CCDC148: variants seen among roughly 807,000 people sequenced by gnomAD.
CCDC148 encodes coiled-coil domain-containing protein 148.
In CCDC148, 89 loss-of-function variants were observed where a neutral mutation model predicts 85.7. That is an observed-to-expected ratio of 1.04 (90% CI 0.87 to 1.24). The LOEUF (loss-of-function observed/expected upper bound fraction) is 1.24. CCDC148 is among the 50% of genes most tolerant of loss of function. The pLI is 0.00. For synonymous variants in CCDC148, 230 were observed against 213.9 expected (o/e 1.08, Z -0.66); for missense variants, 692 against 671.7 (o/e 1.03, Z -0.33).
Position 158,176,380 on chromosome 2 carries a change from T to A in CCDC148, c.1629+141A>T, listed in dbSNP as rs943581389. On this transcript the variant is annotated intron_variant, in intron 13 of 13. Transcript: ENST00000283233. ...AGAATTATGTAGTAATTATGTACTATCATTTAGAAGTAAAAATTATGCTAA... is the reference window on the plus strand; with the variant it reads ...AGAATTATGTAGTAATTATGTACTAACATTTAGAAGTAAAAATTATGCTAA... The A allele has an allele frequency of 4.1e-6, 3 of 734,566 alleles. No individual in the cohort carries two copies. The African/African-American group carries it at 5.4e-5, about 13-fold the overall frequency. The allele number at this position is 734,566 out of a possible 1,614,324, so 45.5% of individuals were successfully genotyped here. A position where few individuals can be genotyped will look rare whatever the true frequency, so the allele number is the denominator to read the frequency against.
At chr2:158,307,088 T>G (rs1691729848) in intron 9 of CCDC148, among the ~76,000 whole-genome samples, 1 of 151,652 alleles carries the variant, frequency 6.6e-6, no homozygotes, top group Non-Finnish European at 1.5e-5. Context: ...TAAAAAAAAG[T>G]ACTTCATTAA....
chr2:158,250,915 G>A lies in CCDC148; in HGVS notation c.1111-3C>T, dbSNP rs765811796. Reference sequence around the variant, plus strand: ...TGGTGGGCTCGCCATTGACGAACCTGAAATAAAGAGAAAAACTTCATTCCA... The same window carrying A: ...TGGTGGGCTCGCCATTGACGAACCTAAAATAAAGAGAAAAACTTCATTCCA... On this transcript the variant is annotated splice_polypyrimidine_tract_variant and splice_region_variant and intron_variant, in intron 9 of 13. Coordinates refer to ENST00000283233, the MANE Select transcript of CCDC148 (RefSeq NM_138803.4). 1 of 1,589,034 alleles carries A rather than the reference G, an allele frequency of 6.3e-7. No homozygotes were observed. The highest frequency in any genetic ancestry group is 1.1e-5 in the South Asian group (1 of 88,780).
At chr2:158,291,526 T>G (rs1157996673) in intron 9 of CCDC148, among the ~76,000 whole-genome samples, 1 of 152,216 alleles carries the variant, frequency 6.6e-6, no homozygotes, top group Non-Finnish European at 1.5e-5. Flanking sequence ...CTCCCACTCC[T>G]CATTTTACCA....
chr2:158,340,737 TA>T, intron 3 of CCDC148, 57 bp from the exon 4 acceptor site: 1 of 1,025,904 alleles, frequency 9.7e-7, no homozygotes, highest in Non-Finnish European at 1.4e-6. Context: ...TCTAGGTTTT[TA>T]AAAAATAACC....
rs146033034 is a variant in CCDC148, at chr2:158,341,475, A to G, written c.252-795T>C. On this transcript the variant is annotated intron_variant, in intron 3 of 13. Transcript: ENST00000283233. ...GCATGTGACACCACACCTAGCTAATATGTGCGTGTGTGTACTTTTATTAGA... is the reference window on the plus strand; with the variant it reads ...GCATGTGACACCACACCTAGCTAATGTGTGCGTGTGTGTACTTTTATTAGA... 4.2e-4 allele frequency among the ~76,000 whole-genome samples: 64 copies of G among 151,906 alleles called. No individual in the cohort carries two copies. The East Asian group carries it at 0.01, about 25-fold the overall frequency.
intron 9 of CCDC148, among the ~76,000 whole-genome samples, chr2:158,299,454 T>G (rs919079610): frequency 2.6e-5 from 4 of 152,214 alleles, no homozygotes; most frequent in Non-Finnish European, 5.9e-5. Context: ...TCTCTGCTTC[T>G]TTTACCTATC....
At chr2:158,398,093 T>C (rs1377040570) in intron 1 of CCDC148, among the ~76,000 whole-genome samples, 1 of 152,076 alleles carries the variant, frequency 6.6e-6, no homozygotes, top group African/African-American at 2.4e-5. Flanking sequence ...TAAATATATA[T>C]ACACCCAATA....
chr2:158,225,597 C>T (rs1687468000), intron 10 of CCDC148, among the ~76,000 whole-genome samples: 1 of 152,186 alleles, frequency 6.6e-6, no homozygotes, highest in African/African-American at 2.4e-5. Flanking sequence ...GAAATTATAA[C>T]AAACTGTCTG....
At chr2:158,237,949 C>G (rs1459337617) in intron 10 of CCDC148, among the ~76,000 whole-genome samples, 1 of 152,106 alleles carries the variant, frequency 6.6e-6, no homozygotes, top group Non-Finnish European at 1.5e-5. Context: ...AGGCAGTGAT[C>G]AATTCCATCA....
At chr2:158,406,625 T>TG (rs2105310586) in intron 1 of CCDC148, among the ~76,000 whole-genome samples, 1 of 97,596 alleles carries the variant, frequency 1.0e-5, no homozygotes, top group South Asian at 2.6e-4. Flanking sequence ...TTTTTTTTTT[T>TG]TTTTTTTTTT....
intron 10 of CCDC148, among the ~76,000 whole-genome samples, chr2:158,228,814 T>G (rs113008455): frequency 0.74 from 82,064 of 111,030 alleles, 27,574 homozygotes; most frequent in East Asian, 0.9. Context: ...GTTGTGGGGT[T>G]GGGGGGAGGG....
At chr2:158,280,870 G>C (rs943062688) in intron 9 of CCDC148, among the ~76,000 whole-genome samples, 2 of 152,054 alleles carry the variant, frequency 1.3e-5, no homozygotes, top group African/African-American at 2.4e-5. Context: ...TGACCACATA[G>C]TTGGAAGTAA....
Position 158,439,170 on chromosome 2 carries a change from T to A in CCDC148, c.25+17245A>T, listed in dbSNP as rs571826661. On this transcript the variant is annotated intron_variant, in intron 1 of 13. Coordinates refer to ENST00000283233, the MANE Select transcript of CCDC148 (RefSeq NM_138803.4). Reference sequence around the variant, plus strand: ...TAAATCATGCTGCTATAAAGACACATGCACGTGTATGTTTATTGTGGCACT... The same window carrying A: ...TAAATCATGCTGCTATAAAGACACAAGCACGTGTATGTTTATTGTGGCACT... Among the ~76,000 whole-genome samples, 29 of 152,314 alleles carry A rather than the reference T, an allele frequency of 1.9e-4. No individual in the cohort carries two copies. In the South Asian group the frequency reaches 5.8e-3, roughly 30 times the overall value.
intron 9 of CCDC148, among the ~76,000 whole-genome samples, chr2:158,278,951 C>T (rs189783566): frequency 5.2e-4 from 79 of 152,294 alleles, no homozygotes; most frequent in Non-Finnish European, 1.2e-4. Flanking sequence ...AACGATCACA[C>T]AGCAGCATTC....
chr2:158,455,983 T>C (rs1688674172), intron 1 of CCDC148, among the ~76,000 whole-genome samples: 1 of 152,358 alleles, frequency 6.6e-6, no homozygotes, highest in East Asian at 1.9e-4. Flanking sequence ...CTTACTCTTT[T>C]GTGAAATCAT....
chr2:158,323,621 A>G lies in CCDC148; in HGVS notation c.765-9727T>C, dbSNP rs74600370. Among the ~76,000 whole-genome samples, 514 of 152,320 alleles carry G rather than the reference A, an allele frequency of 3.4e-3. 4 individuals carry two copies. Among genetic ancestry groups the G allele is most frequent in the African/African-American group, 0.012 (492 of 41,560 alleles). The stretch of plus-strand genomic sequence containing the variant: ...GGTAAGCGGGGAAAGCTCTCTATTC[A>G]GATGTGCAGAAGAGATGTAATCTTG... On this transcript the variant is annotated intron_variant, in intron 7 of 13. Transcript: ENST00000283233.
At chr2:158,439,054 G>C in intron 1 of CCDC148, among the ~76,000 whole-genome samples, 1 of 152,156 alleles carries the variant, frequency 6.6e-6, no homozygotes, top group Non-Finnish European at 1.5e-5. Flanking sequence ...CAACCATTGT[G>C]GAAGTCAGTG....
chr2:158,264,179 A>T (rs939012672), intron 9 of CCDC148, among the ~76,000 whole-genome samples: 15 of 152,010 alleles, frequency 9.9e-5, no homozygotes, highest in Non-Finnish European at 1.8e-4. Flanking sequence ...TGATTACAGT[A>T]TATGGATTTA....
At chr2:158,309,037 T>C (rs1691839851) in intron 9 of CCDC148, among the ~76,000 whole-genome samples, 1 of 152,178 alleles carries the variant, frequency 6.6e-6, no homozygotes. Context: ...GCCTCTCTTC[T>C]CCTCCTCATT....
Sources: allele counts gnomAD v4.1 joint callset (sites outside exome capture counted in the v4.1 genomes callset), GRCh38; gene constraint gnomAD v4.1.1; transcripts MANE v1.5; gene names NCBI Gene and HGNC (gene_info 2026-07-23, HGNC 2026-07-21).